The following ADGB variants were observed in gnomAD, a reference collection of about 807,000 sequenced individuals.
The protein encoded by ADGB is calpain-7-like protein.
Under a neutral mutation model 210.5 loss-of-function variants are expected in ADGB, and 172 were observed. The observed-to-expected ratio is 0.82, with a 90% CI of 0.72 to 0.93. The LOEUF (loss-of-function observed/expected upper bound fraction) is 0.93, where lower values mean the gene tolerates loss of function less well. ADGB is among the 40% of genes least tolerant of loss of function. The pLI is 0.00. For synonymous variants in ADGB, 658 were observed against 662.7 expected, an observed-to-expected ratio of 0.99 and a Z score of 0.11; for missense variants, 2,025 against 1,964.8, an observed-to-expected ratio of 1.03 and a Z score of -0.58.
chr6:146,729,436 G>A (rs1776947174), intron 20 of ADGB, among the ~76,000 whole-genome samples: 1 of 152,106 alleles, frequency 6.6e-6, no homozygotes, highest in Non-Finnish European at 1.5e-5. Context: ...TTTGATGGGA[G>A]ACTTTCTCTT....
Position 146,654,161 on chromosome 6 carries a change from C to T in ADGB, c.357C>T (p.Ile119=). The change falls in exon 4 of 36, where the codon ATC becomes ATT. Residue 119 remains isoleucine, a synonymous_variant. Transcript: ENST00000397944. The part of the protein sequence containing the change: ...SQTPVVVKNE[I]TFDLFSANEH... Reference sequence around the variant, plus strand: ...CTCCAGTAGTTGTGAAAAATGAAATCACGTTTGACTTATTTTCAGCAAATG... The same window carrying T: ...CTCCAGTAGTTGTGAAAAATGAAATTACGTTTGACTTATTTTCAGCAAATG... 6.5e-7 allele frequency: 1 copy of T among 1,542,114 alleles called. No homozygotes were observed. The highest frequency in any genetic ancestry group is 1.2e-5 in the South Asian group (1 of 82,912).
intron 12 of ADGB, among the ~76,000 whole-genome samples, chr6:146,696,420 G>A (rs1409046021): frequency 6.6e-6 from 1 of 151,474 alleles, no homozygotes; most frequent in Non-Finnish European, 1.5e-5. Context: ...TTGAAATAAG[G>A]CCTACTTCAA....
intron 29 of ADGB, among the ~76,000 whole-genome samples, chr6:146,771,757 T>C (rs1478548853): frequency 1.3e-5 from 2 of 152,220 alleles, no homozygotes; most frequent in African/African-American, 4.8e-5. Flanking sequence ...ATATTCACAA[T>C]TATAGAAATC....
At chr6:146,766,541 A>T (rs1041962616) in intron 28 of ADGB, among the ~76,000 whole-genome samples, 12 of 152,130 alleles carry the variant, frequency 7.9e-5, no homozygotes, top group African/African-American at 2.9e-4. Flanking sequence ...GAGAAATCGC[A>T]GAGTTGATTC....
chr6:146,787,845 T>C (rs1293775665), intron 32 of ADGB, among the ~76,000 whole-genome samples: 1 of 152,210 alleles, frequency 6.6e-6, no homozygotes, highest in East Asian at 1.9e-4. Context: ...CTCTATATAA[T>C]GAGGAAATTA....
At chr6:146,794,280 T>G (rs951868035) in intron 33 of ADGB, among the ~76,000 whole-genome samples, 1 of 152,118 alleles carries the variant, frequency 6.6e-6, no homozygotes, top group African/African-American at 2.4e-5. Flanking sequence ...TTAAAAAGGT[T>G]GTGAGTTTAT....
At chr6:146,752,962 G>T (rs560038900) in intron 27 of ADGB, among the ~76,000 whole-genome samples, 110 of 151,982 alleles carry the variant, frequency 7.2e-4, no homozygotes, top group African/African-American at 2.6e-3. Context: ...TTCTTAATAA[G>T]AAGTCAAATT....
chr6:146,658,929 G>T (rs1230410147), intron 5 of ADGB, among the ~76,000 whole-genome samples: 1 of 152,148 alleles, frequency 6.6e-6, no homozygotes, highest in Non-Finnish European at 1.5e-5. Context: ...AGTTCCCTAT[G>T]AATTATTTTG....
intron 27 of ADGB, among the ~76,000 whole-genome samples, chr6:146,760,019 A>G (rs546867269): frequency 4.6e-4 from 70 of 151,782 alleles, no homozygotes; most frequent in African/African-American, 1.6e-3. Flanking sequence ...CCTTTTACCT[A>G]TGTGTTTCTA....
intron 3 of ADGB, among the ~76,000 whole-genome samples, chr6:146,651,537 A>T (rs1030783829): frequency 6.6e-6 from 1 of 152,208 alleles, no homozygotes; most frequent in Non-Finnish European, 1.5e-5. Flanking sequence ...TAGGCGAAAC[A>T]TGTACCCGCG....
At chr6:146,777,530 A>G (rs1254092109) in intron 29 of ADGB, among the ~76,000 whole-genome samples, 1 of 152,144 alleles carries the variant, frequency 6.6e-6, no homozygotes, top group Non-Finnish European at 1.5e-5. Context: ...CCTTAGCACC[A>G]TCTGGAAACT....
intron 1 of ADGB, among the ~76,000 whole-genome samples, chr6:146,609,843 A>G (rs951277758): frequency 2.0e-5 from 3 of 152,104 alleles, no homozygotes; most frequent in African/African-American, 7.2e-5. Flanking sequence ...CCCTTTTGGC[A>G]GTGAATCTAT....
intron 1 of ADGB, among the ~76,000 whole-genome samples, chr6:146,624,655 T>C (rs1383071851): frequency 1.3e-5 from 2 of 151,946 alleles, no homozygotes; most frequent in Non-Finnish European, 2.9e-5. Flanking sequence ...TTGGACTTGC[T>C]CTTTTTTTCT....
intron 2 of ADGB, among the ~76,000 whole-genome samples, chr6:146,635,907 C>T (rs530595115): frequency 8.6e-5 from 13 of 151,844 alleles, no homozygotes; most frequent in Non-Finnish European, 1.9e-4. Context: ...AAGCTGTGAC[C>T]GGGAGATAAT....
chr6:146,782,039 G>T lies in ADGB; in HGVS notation c.3882G>T (p.Glu1294Asp). 1.3e-6 allele frequency: 2 copies of T among 1,498,668 alleles called. No homozygotes were observed. The highest frequency in any genetic ancestry group is 1.4e-5 in the South Asian group (1 of 72,434). The allele number at this position is 1,498,668 out of a possible 1,614,324, so 92.8% of individuals were successfully genotyped here. Reference sequence around the variant, plus strand: ...CTCTAGCTTATGGTGAAAGACACGAGGAGTTAATTAACTTAGGAAGCCCAG... The same window carrying T: ...CTCTAGCTTATGGTGAAAGACACGATGAGTTAATTAACTTAGGAAGCCCAG... Reference protein sequence around the residue: ...SNTKAYGERHEELINLGSPDS... With the variant: ...SNTKAYGERHDELINLGSPDS... The change falls in exon 30 of 36, where the codon GAG (glutamate) becomes GAT (aspartate). Residue 1294 changes from glutamate (E) to aspartate (D), a missense_variant. Physicochemically the swap from Glu to Asp is conservative, Grantham distance 45 (BLOSUM62 2). Transcript: ENST00000397944.
At chr6:146,627,374 G>A (rs1211604979) in intron 1 of ADGB, among the ~76,000 whole-genome samples, 2 of 151,998 alleles carry the variant, frequency 1.3e-5, no homozygotes, top group Non-Finnish European at 2.9e-5. Flanking sequence ...CTGGATGCTG[G>A]ATATTTTTGT....
At chr6:146,770,422 C>A in intron 29 of ADGB, 1 of 255,754 alleles carries the variant, frequency 3.9e-6, no homozygotes, top group South Asian at 3.6e-5. Context: ...GAGTGTGCTT[C>A]CATAGCAACG....
At chr6:146,680,594 C>A (rs1776144353) in intron 9 of ADGB, among the ~76,000 whole-genome samples, 1 of 152,012 alleles carries the variant, frequency 6.6e-6, no homozygotes, top group Non-Finnish European at 1.5e-5. Context: ...CCTCATACAG[C>A]AAAATATTTG....
chr6:146,685,886 T>C, intron 10 of ADGB, 58 bp downstream of exon 10: 1 of 1,039,642 alleles, frequency 9.6e-7, no homozygotes, highest in Non-Finnish European at 1.4e-6. Context: ...GGTGCACGTG[T>C]GTGTGTGATT....
Sources: allele counts gnomAD v4.1 joint callset (sites outside exome capture counted in the v4.1 genomes callset), GRCh38; gene constraint gnomAD v4.1.1; transcripts MANE v1.5; gene names NCBI Gene and HGNC (gene_info 2026-07-23, HGNC 2026-07-21).